PLCG2: variants seen among roughly 807,000 people sequenced by gnomAD.
The protein encoded by PLCG2 is 1-phosphatidylinositol 4,5-bisphosphate phosphodiesterase gamma-2.
Under a neutral mutation model 175.6 loss-of-function variants are expected in PLCG2, and 69 were observed. That is an observed-to-expected ratio of 0.39 (90% CI 0.32 to 0.48). PLCG2 has a LOEUF of 0.48. Among genes scored for constraint, PLCG2 ranks in the 20% least tolerant of loss-of-function variants. The pLI is 0.91. For synonymous variants in PLCG2, 827 were observed against 624.0 expected, an observed-to-expected ratio of 1.33 and a Z score of -4.85; for missense variants, 1,798 against 1,650.9, an observed-to-expected ratio of 1.09 and a Z score of -1.54.
intron 11 of PLCG2, among the ~76,000 whole-genome samples, chr16:81,893,224 A>G (rs554070989): frequency 7.2e-5 from 11 of 152,282 alleles, no homozygotes; most frequent in East Asian, 1.9e-4. Context: ...TTAAAGAGTC[A>G]TTCTTACGGC....
intron 13 of PLCG2, chr16:81,897,803 C>T: frequency 2.2e-6 from 1 of 455,500 alleles, no homozygotes; most frequent in Non-Finnish European, 4.4e-6. Flanking sequence ...CCTCAACCTC[C>T]CAAAGTGTGG....
At chr16:81,883,408 C>T (rs1908190045) in intron 9 of PLCG2, 67 bp downstream of exon 9, 1 of 1,309,628 alleles carries the variant, frequency 7.6e-7, no homozygotes, top group Non-Finnish European at 1.1e-6. Flanking sequence ...TAGTCTCACC[C>T]TTCTGCCGCC....
At position 81,840,250 on chromosome 16, in the gene PLCG2, G is replaced by C. The variant is rs61091199; in HGVS notation, c.194-14194G>C. Among the ~76,000 whole-genome samples the C allele has an allele frequency of 8.5e-3, 1,299 of 152,274 alleles. 22 individuals carry two copies. Among genetic ancestry groups the C allele is most frequent in the African/African-American group, 0.028 (1,157 of 41,554 alleles). On this transcript the variant is annotated intron_variant, in intron 2 of 32. Transcript: ENST00000564138. ...TTGAGCCCTGACAGCTGGCCCCTGA[G>C]CTGCCCACCCTGTCATGGCCTGGGT...
chr16:81,805,267 A>G (rs909265462), intron 2 of PLCG2, among the ~76,000 whole-genome samples: 1 of 152,216 alleles, frequency 6.6e-6, no homozygotes, highest in African/African-American at 2.4e-5. Flanking sequence ...TGGGAGGCCA[A>G]GGTGGATGGA....
At chr16:81,785,178 C>T (rs552306255) in intron 1 of PLCG2, among the ~76,000 whole-genome samples, 1 of 152,146 alleles carries the variant, frequency 6.6e-6, no homozygotes, top group Non-Finnish European at 1.5e-5. Flanking sequence ...GTTTTGGGCC[C>T]AAGCACCTCT....
intron 2 of PLCG2, among the ~76,000 whole-genome samples, chr16:81,762,565 T>C: frequency 6.7e-6 from 1 of 149,572 alleles, no homozygotes; most frequent in East Asian, 2.0e-4. Flanking sequence ...TGAGACTCCG[T>C]CTCAAAAAAA....
At chr16:81,774,652 C>G (rs1392088927), upstream of PLCG2, among the ~76,000 whole-genome samples, 1 of 151,512 alleles carries the variant, frequency 6.6e-6, no homozygotes, top group African/African-American at 2.4e-5. Context: ...TTCCCTGGGG[C>G]AGGGCGGTGG....
chr16:81,940,810 A>G (rs1005928138), intron 30 of PLCG2, among the ~76,000 whole-genome samples: 9 of 152,138 alleles, frequency 5.9e-5, no homozygotes, highest in East Asian at 1.9e-4. Flanking sequence ...CTTAGCTTCT[A>G]TATAGTTTCT....
intron 5 of PLCG2, among the ~76,000 whole-genome samples, chr16:81,859,926 T>C (rs1322346417): frequency 6.6e-6 from 1 of 152,130 alleles, no homozygotes; most frequent in East Asian, 1.9e-4. Context: ...AAAGTACCTC[T>C]TGGAGAAGCT....
At chr16:81,783,626 C>A (rs796854457) in intron 1 of PLCG2, among the ~76,000 whole-genome samples, 3 of 152,104 alleles carry the variant, frequency 2.0e-5, no homozygotes, top group African/African-American at 2.4e-5. Flanking sequence ...TTCAGTTTTC[C>A]GCTGCCGTAT....
intron 2 of PLCG2, among the ~76,000 whole-genome samples, chr16:81,851,078 C>G (rs1163943493): frequency 6.6e-6 from 1 of 152,190 alleles, no homozygotes; most frequent in East Asian, 1.9e-4. Context: ...TCTCTACTTT[C>G]TCTCACCTTC....
chr16:81,783,801 T>C (rs1292177039), intron 1 of PLCG2, among the ~76,000 whole-genome samples: 1 of 151,436 alleles, frequency 6.6e-6, no homozygotes, highest in Admixed American at 6.6e-5. Context: ...TTTCTCCTGA[T>C]AAGGTAAGAT....
chr16:81,936,069 G>A (rs990778850), intron 26 of PLCG2, 100 bp from the exon 27 acceptor site: 1 of 1,507,754 alleles, frequency 6.6e-7, no homozygotes, highest in African/African-American at 1.4e-5. Flanking sequence ...GAGATTCCTG[G>A]TTTCCTTTTA....
At chr16:81,744,791 C>A (rs570216318) in intron 1 of PLCG2, among the ~76,000 whole-genome samples, 2 of 151,966 alleles carry the variant, frequency 1.3e-5, no homozygotes, top group African/African-American at 4.8e-5. Context: ...ATCTTGAACT[C>A]CTGGACTCAA....
At chr16:81,792,953 A>T (rs985644199) in intron 2 of PLCG2, among the ~76,000 whole-genome samples, 15 of 152,218 alleles carry the variant, frequency 9.9e-5, no homozygotes, top group Admixed American at 1.3e-4. Flanking sequence ...CAAGTGAGAT[A>T]ATAGTAGTTT....
At chr16:81,829,173 A>G (rs1179660485) in intron 2 of PLCG2, among the ~76,000 whole-genome samples, 1 of 152,088 alleles carries the variant, frequency 6.6e-6, no homozygotes, top group South Asian at 2.1e-4. Context: ...CAGTGGCACG[A>G]TCTCGGCTCA....
intron 5 of PLCG2, 125 bp from the exon 6 acceptor site, chr16:81,869,089 C>A: frequency 1.4e-6 from 1 of 703,404 alleles, no homozygotes; most frequent in Non-Finnish European, 2.6e-6. Flanking sequence ...GTTAGTGGTC[C>A]ATAAATAACT....
chr16:81,875,101 T>G (rs916028779), intron 7 of PLCG2, among the ~76,000 whole-genome samples: 2 of 151,990 alleles, frequency 1.3e-5, no homozygotes, highest in Non-Finnish European at 2.9e-5. Context: ...GTAGCTGGGA[T>G]TACAGGCATG....
chr16:81,927,888 G>C (rs141941061), intron 23 of PLCG2, among the ~76,000 whole-genome samples: 1 of 152,184 alleles, frequency 6.6e-6, no homozygotes, highest in Non-Finnish European at 1.5e-5. Context: ...GTTGTGTTCC[G>C]TGTGCTTGGG....
Sources: gnomAD v4.1 joint callset for allele counts (sites outside exome capture counted in the v4.1 genomes callset) on GRCh38, gnomAD v4.1.1 for gene constraint, MANE v1.5 for transcripts, NCBI Gene and HGNC (gene_info 2026-07-23, HGNC 2026-07-21) for gene names.